The following CNTNAP2 variants were observed in gnomAD, a reference collection of about 807,000 sequenced individuals.
The protein encoded by CNTNAP2 is contactin-associated protein-like 2.
A neutral mutation model predicts 155.2 loss-of-function variants in CNTNAP2; 98 were observed. The ratio of observed to expected loss-of-function variants is 0.63; its 90% CI spans 0.54 to 0.75. The LOEUF (loss-of-function observed/expected upper bound fraction) is 0.75. Ranked by LOEUF, CNTNAP2 falls within the 30% of genes least tolerant of loss-of-function variation. The probability of loss-of-function intolerance (pLI) is 0.00; values close to 1 mark genes in which losing one functional copy is unlikely to be tolerated. For synonymous variants in CNTNAP2, 651 were observed against 631.2 expected, an observed-to-expected ratio of 1.03 and a Z score of -0.47; for missense variants, 1,727 against 1,688.1, an observed-to-expected ratio of 1.02 and a Z score of -0.40.
chr7:147,007,824 A>C (rs961847168), intron 3 of CNTNAP2, among the ~76,000 whole-genome samples: 4 of 151,950 alleles, frequency 2.6e-5, no homozygotes, highest in African/African-American at 9.7e-5. Flanking sequence ...AATCATACTC[A>C]CTCTCCAATA....
At chr7:147,749,160 G>A in intron 13 of CNTNAP2, among the ~76,000 whole-genome samples, 1 of 152,184 alleles carries the variant, frequency 6.6e-6, no homozygotes, top group Non-Finnish European at 1.5e-5. Flanking sequence ...CACCATAAAT[G>A]TGTTTGGCAA....
chr7:146,753,494 G>T (rs1320017473), intron 1 of CNTNAP2, among the ~76,000 whole-genome samples: 1 of 151,928 alleles, frequency 6.6e-6, no homozygotes, highest in African/African-American at 2.4e-5. Flanking sequence ...ATTAACATGT[G>T]AGTCAATAAG....
chr7:146,793,471 A>C (rs1369753823), intron 2 of CNTNAP2, among the ~76,000 whole-genome samples: 1 of 152,224 alleles, frequency 6.6e-6, no homozygotes, highest in African/African-American at 2.4e-5. Context: ...CAGTGGCATT[A>C]ATCTTTGGGG....
At chr7:148,147,806 T>A in intron 17 of CNTNAP2, 97 bp downstream of exon 17, 2 of 1,229,218 alleles carry the variant, frequency 1.6e-6, no homozygotes, top group Non-Finnish European at 2.3e-6. Flanking sequence ...CAAGGTTTGA[T>A]ATAGAGATCC....
At chr7:146,354,411 A>ATTTTTTTTTTTTTTT (rs10641636) in intron 1 of CNTNAP2, among the ~76,000 whole-genome samples, 1 of 135,346 alleles carries the variant, frequency 7.4e-6, no homozygotes, top group African/African-American at 2.8e-5. Flanking sequence ...TCTTGTTAGT[A>ATTTTTTTTTTTTTTT]TTTTTTTTTT....
intron 4 of CNTNAP2, among the ~76,000 whole-genome samples, chr7:147,102,890 A>G (rs894545537): frequency 6.6e-6 from 1 of 152,156 alleles, no homozygotes; most frequent in Non-Finnish European, 1.5e-5. Flanking sequence ...GACTGAGTCA[A>G]TTTAAAATAA....
At position 147,555,318 on chromosome 7, in the gene CNTNAP2, T is replaced by C. The variant is rs1479804631; in HGVS notation, c.1778-6820T>C. 6.6e-5 allele frequency among the ~76,000 whole-genome samples: 10 copies of C among 152,270 alleles called. No homozygotes were observed. In the East Asian group the frequency reaches 1.9e-3, roughly 29 times the overall value. On this transcript the variant is annotated intron_variant, in intron 11 of 23. Coordinates refer to ENST00000361727, the MANE Select transcript of CNTNAP2 (RefSeq NM_014141.6). ...ATATAAACTATATCGCCGCTATGCC[T>C]ACGTTTTACATGAAAAGGCTTCTTT...
chr7:146,490,072 T>C (rs574346603), intron 1 of CNTNAP2, among the ~76,000 whole-genome samples: 58 of 152,312 alleles, frequency 3.8e-4, no homozygotes, highest in Non-Finnish European at 6.6e-4. Flanking sequence ...GTAGCTTGGC[T>C]TTCAGGCTTT....
intron 3 of CNTNAP2, among the ~76,000 whole-genome samples, chr7:147,035,577 G>T (rs1799138697): frequency 6.6e-6 from 1 of 152,080 alleles, no homozygotes; most frequent in South Asian, 2.1e-4. Flanking sequence ...CTCACTTTAG[G>T]GAACATTCAC....
At position 147,693,226 on chromosome 7, in the gene CNTNAP2, C is replaced by T. The variant is rs186958484; in HGVS notation, c.2098+53920C>T. ...ATCTATTTGTCTAATCTTTTGCCAACACCACACTGTCTTATTACTTTAGTT... is the reference window on the plus strand; with the variant it reads ...ATCTATTTGTCTAATCTTTTGCCAATACCACACTGTCTTATTACTTTAGTT... On this transcript the variant is annotated intron_variant, in intron 13 of 23. Transcript: ENST00000361727. 1.4e-3 allele frequency among the ~76,000 whole-genome samples: 207 copies of T among 152,164 alleles called. 3 individuals are homozygous for T. The highest frequency in any genetic ancestry group is 7.7e-4 in the East Asian group (4 of 5,188).
intron 18 of CNTNAP2, among the ~76,000 whole-genome samples, chr7:148,208,101 AAAAG>A (rs1380667225): frequency 1.3e-5 from 2 of 151,944 alleles, no homozygotes; most frequent in African/African-American, 4.8e-5. Context: ...AAAAAAAAAA[AAAAG>A]AGGTCATCAC....
chr7:146,212,841 T>G (rs1334100997), intron 1 of CNTNAP2, among the ~76,000 whole-genome samples: 2 of 152,184 alleles, frequency 1.3e-5, no homozygotes, highest in Admixed American at 6.5e-5. Flanking sequence ...TTCAGTACAT[T>G]GTGTTCTTCC....
Position 146,798,426 on chromosome 7 carries a change from C to G in CNTNAP2, c.208+24045C>G, listed in dbSNP as rs757103878. 4.0e-4 allele frequency among the ~76,000 whole-genome samples: 61 copies of G among 152,264 alleles called. 1 individual carries two copies. The highest frequency in any genetic ancestry group is 2.6e-4 in the Admixed American group (4 of 15,306). On this transcript the variant is annotated intron_variant, in intron 2 of 23. Coordinates refer to ENST00000361727, the MANE Select transcript of CNTNAP2 (RefSeq NM_014141.6). ...GTGTGATCTTGGCTCACTATAGCCT[C>G]TGCCTTCTTGGCTCAAACAATCCTC...
intron 4 of CNTNAP2, among the ~76,000 whole-genome samples, chr7:147,072,401 G>A (rs1055918278): frequency 1.3e-5 from 2 of 152,228 alleles, no homozygotes; most frequent in African/African-American, 4.8e-5. Context: ...GTGTTGGAGT[G>A]ATGGACATGG....
intron 1 of CNTNAP2, among the ~76,000 whole-genome samples, chr7:146,251,939 A>G (rs1434978318): frequency 1.3e-5 from 2 of 152,176 alleles, no homozygotes; most frequent in Non-Finnish European, 2.9e-5. Flanking sequence ...TACAATCTCA[A>G]TTCTCAAAGG....
intron 1 of CNTNAP2, among the ~76,000 whole-genome samples, chr7:146,655,425 A>AG (rs1447397623): frequency 6.6e-6 from 1 of 151,330 alleles, no homozygotes; most frequent in Non-Finnish European, 1.5e-5. Context: ...AAAAAAAAAA[A>AG]AAAAAAAAAG....
chr7:147,098,337 CA>C (rs1800587042), intron 4 of CNTNAP2, among the ~76,000 whole-genome samples: 1 of 152,210 alleles, frequency 6.6e-6, no homozygotes, highest in Non-Finnish European at 1.5e-5. Context: ...AGTAAAGTCA[CA>C]AACAACTGAG....
chr7:147,324,050 G>T (rs1011004902), intron 9 of CNTNAP2, among the ~76,000 whole-genome samples: 14 of 145,372 alleles, frequency 9.6e-5, no homozygotes, highest in Middle Eastern at 3.6e-3. Context: ...AAAAAAAAAA[G>T]AAATAAGATC....
chr7:146,303,347 C>G (rs1038381124), intron 1 of CNTNAP2, among the ~76,000 whole-genome samples: 1 of 151,802 alleles, frequency 6.6e-6, no homozygotes, highest in Non-Finnish European at 1.5e-5. Context: ...ATCATGTACC[C>G]TCCTCAGTTT....
Sources: allele counts gnomAD v4.1 joint callset (sites outside exome capture counted in the v4.1 genomes callset), GRCh38; gene constraint gnomAD v4.1.1; transcripts MANE v1.5; gene names NCBI Gene and HGNC (gene_info 2026-07-23, HGNC 2026-07-21).